Variants in CYP3A5 observed in about 807,000 individuals in gnomAD.
The protein encoded by CYP3A5 is cytochrome P450 3A5.
In CYP3A5, 51 loss-of-function variants were observed where a neutral mutation model predicts 55.9. The observed-to-expected ratio is 0.91, with a 90% CI of 0.73 to 1.15. CYP3A5 has a LOEUF of 1.15. Ranked by LOEUF, CYP3A5 falls within the 50% of genes most tolerant of loss-of-function variation. The pLI is 0.00. For synonymous variants in CYP3A5, 196 were observed against 213.9 expected, an observed-to-expected ratio of 0.92 and a Z score of 0.73; for missense variants, 533 against 596.6, an observed-to-expected ratio of 0.89 and a Z score of 1.11.
rs568544444 is a variant in CYP3A5 at position 99,672,796 on chromosome 7, G to A, written c.219-117C>T. On this transcript the variant is annotated intron_variant, in intron 3 of 12. Transcript: ENST00000222982. ...ATGTAATCCATACCCCTAGTTGTAC[G>A]ACACACAGCAACCTTAGGTTCTAGT... 8.4e-6 allele frequency: 13 copies of A among 1,540,098 alleles called. No homozygotes were observed. In the Admixed American group the frequency reaches 1.6e-4, roughly 19 times the overall value.
chr7:99,677,096 G>A, intron 1 of CYP3A5: 1 of 827,672 alleles, frequency 1.2e-6, no homozygotes. Context: ...AAGTATCTCT[G>A]AGGAAAAACC....
At position 99,662,026 on chromosome 7, in the gene CYP3A5, T is replaced by A. The variant is rs2151405601; in HGVS notation, c.865+790A>T. ...AGACTATTTTCTTTATCACAGCAAG[T>A]TTTGTTGAGATAGATAGATGATTAA... On this transcript the variant is annotated intron_variant, in intron 9 of 12. Transcript: ENST00000222982. The surrounding 1 kb of genome is among the most constrained non-coding windows in gnomAD (Gnocchi z 4.3). Among the ~76,000 whole-genome samples the A allele has an allele frequency of 6.6e-6, 1 of 152,336 alleles. No homozygotes were observed. Among genetic ancestry groups the A allele is most frequent in the East Asian group, 1.9e-4 (1 of 5,182 alleles).
Position 99,653,921 on chromosome 7 carries a change from G to T in CYP3A5, c.1027-1142C>A, listed in dbSNP as rs1004435312. Among the ~76,000 whole-genome samples the T allele has an allele frequency of 2.0e-5, 3 of 152,214 alleles. No individual in the cohort carries two copies. The highest frequency in any genetic ancestry group is 3.8e-4 in the East Asian group (2 of 5,206). The stretch of plus-strand genomic sequence containing the variant: ...GCCAGTGGCTACCTGACTGGAACAT[G>T]AGACAGGTGTGGGGAGAGCTGAGTC... On this transcript the variant is annotated intron_variant, in intron 10 of 12. Coordinates refer to ENST00000222982, the MANE Select transcript of CYP3A5 (RefSeq NM_000777.5). This position sits in a 1 kb window ranked among gnomAD's most constrained non-coding sequence, Gnocchi z 4.2.
intron 4 of CYP3A5, chr7:99,671,729 T>C (rs575772767): frequency 4.4e-6 from 3 of 679,588 alleles, no homozygotes; most frequent in East Asian, 2.7e-5. Flanking sequence ...TATTAATACA[T>C]TGGCCTCCTC....
intron 10 of CYP3A5, among the ~76,000 whole-genome samples, chr7:99,656,442 T>G (rs1351519662): frequency 6.6e-6 from 1 of 152,214 alleles, no homozygotes; most frequent in African/African-American, 2.4e-5. Flanking sequence ...CACTTGATCA[T>G]GGTGGATAAG....
At chr7:99,673,048 A>G (rs1256086142) in intron 3 of CYP3A5, 8 of 250,858 alleles carry the variant, frequency 3.2e-5, no homozygotes, top group Admixed American at 1.2e-4. Flanking sequence ...AAAATACTTC[A>G]TTATCAAAAA....
chr7:99,676,024 AACTCCCTCCCAAGGAGGGGCATTTTT>A (rs1812239796), intron 2 of CYP3A5, 65 bp downstream of exon 2: 3 of 1,096,326 alleles, frequency 2.7e-6, no homozygotes, highest in Non-Finnish European at 2.8e-6. Context: ...GAAACCTCAG[AACTCCCTCCCAAGGAGGGGCATTTTT>A]ACTGATGGAA....
intron 4 of CYP3A5, among the ~76,000 whole-genome samples, chr7:99,667,274 C>T (rs916720405): frequency 3.3e-5 from 5 of 152,318 alleles, no homozygotes; most frequent in African/African-American, 9.6e-5. Flanking sequence ...TGGGGAGACC[C>T]AGCCATCTGG....
intron 10 of CYP3A5, among the ~76,000 whole-genome samples, chr7:99,655,177 G>T (rs1809582365): frequency 6.6e-6 from 1 of 152,194 alleles, no homozygotes; most frequent in African/African-American, 2.4e-5. Flanking sequence ...GAATGATATT[G>T]CCTAGGTTTT....
intron 2 of CYP3A5, among the ~76,000 whole-genome samples, chr7:99,674,951 G>A (rs1812073202): frequency 1.3e-5 from 2 of 152,252 alleles, no homozygotes; most frequent in South Asian, 4.1e-4. Flanking sequence ...GTGAGGAAAA[G>A]TGAGTGTCTG....
chr7:99,671,731 G>A lies in CYP3A5; in HGVS notation c.318+849C>T, dbSNP rs970309236. On this transcript the variant is annotated intron_variant, in intron 4 of 12. Coordinates refer to ENST00000222982, the MANE Select transcript of CYP3A5 (RefSeq NM_000777.5). The stretch of plus-strand genomic sequence containing the variant: ...CCATAAAAGGAAATATTAATACATT[G>A]GCCTCCTCAAATAAATAAAAGTTTG... The A allele has an allele frequency of 1.2e-5, 8 of 679,448 alleles. No individual in the cohort carries two copies. The East Asian group carries it at 2.2e-4, about 18-fold the overall frequency. 42.1% of individuals were successfully genotyped at this position (679,448 alleles called of 1,614,324 possible).
intron 12 of CYP3A5, 29 bp downstream of exon 12, chr7:99,650,044 T>G (rs1342167395): frequency 3.1e-6 from 5 of 1,611,920 alleles, no homozygotes. Context: ...AAAAAAATTC[T>G]TAATAAAACA....
At chr7:99,663,448 G>C (rs1431989503) in intron 8 of CYP3A5, 20 of 989,634 alleles carry the variant, frequency 2.0e-5, no homozygotes, top group Non-Finnish European at 2.4e-5. Flanking sequence ...AGCTGAGTTA[G>C]CCAGCCTTGC....
At chr7:99,673,218 C>T (rs1292570343) in intron 3 of CYP3A5, among the ~76,000 whole-genome samples, 1 of 152,158 alleles carries the variant, frequency 6.6e-6, no homozygotes, top group African/African-American at 2.4e-5. Flanking sequence ...AGCTCCACAG[C>T]ACTCCACAGT....
At chr7:99,673,297 AC>A (rs1811867498) in intron 3 of CYP3A5, among the ~76,000 whole-genome samples, 1 of 152,212 alleles carries the variant, frequency 6.6e-6, no homozygotes, top group South Asian at 2.1e-4. Context: ...GCTTTCTCCC[AC>A]TTGCTTCTAG....
intron 1 of CYP3A5, among the ~76,000 whole-genome samples, chr7:99,678,700 T>C (rs4646443): frequency 2.0e-5 from 3 of 152,256 alleles, no homozygotes; most frequent in Non-Finnish European, 4.4e-5. Context: ...ATTTAAACCA[T>C]ATCAATTCAT....
At chr7:99,652,381 G>A (rs564107905) in intron 11 of CYP3A5, 172 bp downstream of exon 11, 19 of 512,556 alleles carry the variant, frequency 3.7e-5, no homozygotes, top group East Asian at 1.6e-4. Flanking sequence ...ATGTAGTTTC[G>A]TTTTTTCTAG....
intron 9 of CYP3A5, 98 bp from the exon 10 acceptor site, chr7:99,660,757 A>G (rs1054564938): frequency 8.4e-5 from 121 of 1,442,516 alleles, no homozygotes; most frequent in Non-Finnish European, 1.1e-4. Context: ...CCAAGAAGAA[A>G]AAATGGAAAA....
chr7:99,665,333 G>A lies in CYP3A5; in HGVS notation c.522-19C>T. On this transcript the variant is annotated intron_variant, in intron 6 of 12. Transcript: ENST00000222982. ...AAAGATGCTGAGTGGAGAAAGATAT[G>A]GAAAATTAAAATCAGCACCTCTTAC... 6.2e-7 allele frequency: 1 copy of A among 1,613,802 alleles called. No individual in the cohort carries two copies. Among genetic ancestry groups the A allele is most frequent in the Non-Finnish European group, 8.5e-7 (1 of 1,179,940 alleles).
Sources: allele counts gnomAD v4.1 joint callset (sites outside exome capture counted in the v4.1 genomes callset), GRCh38; gene constraint gnomAD v4.1.1; non-coding constraint Gnocchi (gnomAD v3.1); transcripts MANE v1.5; gene names NCBI Gene and HGNC (gene_info 2026-07-23, HGNC 2026-07-21).